FHIT: variants seen among roughly 807,000 people sequenced by gnomAD.
FHIT encodes bis(5'-adenosyl)-triphosphatase.
A neutral mutation model predicts 17.9 loss-of-function variants in FHIT; 19 were observed. The observed-to-expected ratio is 1.06, with a 90% confidence interval of 0.74 to 1.56. FHIT has a LOEUF of 1.56. Among genes scored for constraint, FHIT ranks in the 40% most tolerant of loss-of-function variants. FHIT has a pLI of 0.00. For missense variants in FHIT, 248 were observed against 189.2 expected (o/e 1.31, Z -1.82); for synonymous variants, 81 against 69.7 (o/e 1.16, Z -0.81).
chr3:61,147,274 C>T (rs2037252909), intron 2 of FHIT, among the ~76,000 whole-genome samples: 1 of 152,008 alleles, frequency 6.6e-6, no homozygotes, highest in Non-Finnish European at 1.5e-5. Flanking sequence ...TTAATATTAG[C>T]AGTTATATTA....
intron 7 of FHIT, among the ~76,000 whole-genome samples, chr3:59,951,244 C>T (rs1289690182): frequency 6.6e-6 from 1 of 152,098 alleles, no homozygotes; most frequent in African/African-American, 2.4e-5. Flanking sequence ...CCACCATGAA[C>T]CCACCTGGGT....
intron 4 of FHIT, among the ~76,000 whole-genome samples, chr3:60,694,904 G>C (rs535470533): frequency 2.0e-5 from 3 of 152,168 alleles, no homozygotes; most frequent in East Asian, 1.9e-4. Flanking sequence ...TCACACACCG[G>C]GGCCTGTTGT....
intron 5 of FHIT, among the ~76,000 whole-genome samples, chr3:60,039,545 G>A (rs1274250038): frequency 2.0e-5 from 3 of 152,070 alleles, no homozygotes; most frequent in Admixed American, 2.0e-4. Context: ...ACCTAATTAA[G>A]GTACAGATAA....
chr3:60,323,719 C>A (rs1281106840), intron 5 of FHIT, among the ~76,000 whole-genome samples: 2 of 152,238 alleles, frequency 1.3e-5, no homozygotes, highest in African/African-American at 2.4e-5. Flanking sequence ...TAAATGGAAA[C>A]ATTCTATCTG....
chr3:60,825,498 C>T (rs1702079870), intron 3 of FHIT, among the ~76,000 whole-genome samples: 1 of 152,120 alleles, frequency 6.6e-6, no homozygotes, highest in Non-Finnish European at 1.5e-5. Context: ...AGGCGGCAGA[C>T]CAGTACCAGT....
intron 4 of FHIT, among the ~76,000 whole-genome samples, chr3:60,672,874 C>CATGTGTGTGTGTGTGTGTGT (rs71092628): frequency 0.03 from 4,137 of 139,428 alleles, 149 homozygotes; most frequent in Non-Finnish European, 0.043. Flanking sequence ...CTCTTTGTAG[C>CATGTGTGTGTGTGTGTGTGT]GTGTGTGTGT....
At chr3:60,907,997 T>G (rs1268517152) in intron 3 of FHIT, among the ~76,000 whole-genome samples, 2 of 152,160 alleles carry the variant, frequency 1.3e-5, no homozygotes, top group Non-Finnish European at 2.9e-5. Flanking sequence ...GAGTCAAAGT[T>G]TATTATCATA....
At chr3:59,862,734 G>A (rs1239536022) in intron 8 of FHIT, among the ~76,000 whole-genome samples, 2 of 152,202 alleles carry the variant, frequency 1.3e-5, no homozygotes, top group Non-Finnish European at 2.9e-5. Context: ...GTAAGATCGG[G>A]AGGGAAGAAA....
intron 5 of FHIT, among the ~76,000 whole-genome samples, chr3:60,503,938 T>C (rs2034622872): frequency 6.6e-6 from 1 of 152,212 alleles, no homozygotes; most frequent in Non-Finnish European, 1.5e-5. Context: ...TTATTTATAA[T>C]AAATACATGC....
chr3:60,862,917 T>G (rs185674668), intron 3 of FHIT, among the ~76,000 whole-genome samples: 1 of 151,576 alleles, frequency 6.6e-6, no homozygotes, highest in East Asian at 1.9e-4. Context: ...GGTGCTGCCA[T>G]GAAGAGACTT....
chr3:60,443,139 G>C (rs953644548), intron 5 of FHIT, among the ~76,000 whole-genome samples: 1 of 152,148 alleles, frequency 6.6e-6, no homozygotes, highest in African/African-American at 2.4e-5. Flanking sequence ...CTGAGACTTT[G>C]CTGAAGTTGC....
chr3:60,337,234 T>A (rs1047910981), intron 5 of FHIT, among the ~76,000 whole-genome samples: 1 of 152,096 alleles, frequency 6.6e-6, no homozygotes, highest in Non-Finnish European at 1.5e-5. Context: ...TCGCAAGGTG[T>A]GCCTTCTCTA....
intron 2 of FHIT, among the ~76,000 whole-genome samples, chr3:61,102,144 G>A (rs1171108798): frequency 6.6e-6 from 1 of 152,098 alleles, no homozygotes; most frequent in African/African-American, 2.4e-5. Flanking sequence ...GTTTTCAAAG[G>A]GAATGCTTCC....
chr3:60,302,183 T>A (rs115078354), intron 5 of FHIT, among the ~76,000 whole-genome samples: 1 of 152,134 alleles, frequency 6.6e-6, no homozygotes, highest in Non-Finnish European at 1.5e-5. Flanking sequence ...TTTGAAGATA[T>A]TGGTCATTCT....
chr3:59,883,731 G>T (rs1022899180), intron 8 of FHIT, among the ~76,000 whole-genome samples: 6 of 152,212 alleles, frequency 3.9e-5, no homozygotes, highest in Non-Finnish European at 7.3e-5. Flanking sequence ...CAGGTTTGTA[G>T]CTTCAATTCA....
chr3:60,847,592 C>A (rs1473812997), intron 3 of FHIT, among the ~76,000 whole-genome samples: 2 of 152,120 alleles, frequency 1.3e-5, no homozygotes, highest in African/African-American at 2.4e-5. Flanking sequence ...CTCATGTTAT[C>A]CATTCATTCT....
chr3:59,750,174 G>C (rs1490353269), intron 9 of FHIT: 1 of 226,342 alleles, frequency 4.4e-6, no homozygotes, highest in Non-Finnish European at 8.8e-6. Context: ...ACAAAACAAA[G>C]CCTACAGGAA....
intron 3 of FHIT, among the ~76,000 whole-genome samples, chr3:60,855,008 G>A (rs1456725940): frequency 2.6e-5 from 4 of 152,108 alleles, no homozygotes; most frequent in South Asian, 2.1e-4. Flanking sequence ...TTGTGCCAGG[G>A]AACTAGGGAG....
At chr3:59,804,373 TGAA>T (rs747458505) in intron 8 of FHIT, among the ~76,000 whole-genome samples, 1 of 152,216 alleles carries the variant, frequency 6.6e-6, no homozygotes, top group Non-Finnish European at 1.5e-5. Flanking sequence ...GGTTTTCCCT[TGAA>T]GAAGAAGGTA....
Sources: gnomAD v4.1 joint callset for allele counts (sites outside exome capture counted in the v4.1 genomes callset) on GRCh38, gnomAD v4.1.1 for gene constraint, MANE v1.5 for transcripts, NCBI Gene and HGNC (gene_info 2026-07-23, HGNC 2026-07-21) for gene names.